Variants in GLYATL3 observed in about 807,000 individuals in gnomAD.
GLYATL3 encodes the protein glycine N-acyltransferase-like protein 3.
Under a neutral mutation model 28.5 loss-of-function variants are expected in GLYATL3, and 31 were observed. The observed-to-expected ratio is 1.09, with a 90% confidence interval of 0.82 to 1.47. GLYATL3 has a LOEUF of 1.47. GLYATL3 is among the 40% of genes most tolerant of loss of function. The pLI, the probability that GLYATL3 is intolerant of heterozygous loss-of-function variation, is 0.00. For missense variants in GLYATL3, 369 were observed against 351.5 expected (o/e 1.05, Z -0.40); for synonymous variants, 141 against 140.2 (o/e 1.01, Z -0.04).
chr6:49,525,093 A>AT (rs10630585), intron 5 of GLYATL3, among the ~76,000 whole-genome samples: 38,590 of 141,156 alleles, frequency 0.27, 5,481 homozygotes, highest in South Asian at 0.3. Context: ...ATTCTAAAAC[A>AT]TTTTTTTTTT....
intron 1 of GLYATL3, among the ~76,000 whole-genome samples, chr6:49,504,439 C>A (rs752189854): frequency 2.6e-5 from 4 of 152,004 alleles, no homozygotes; most frequent in South Asian, 2.1e-4. Context: ...GCCTTTTGAC[C>A]GTATATTAGA....
intron 5 of GLYATL3, among the ~76,000 whole-genome samples, chr6:49,522,277 C>T (rs187911692): frequency 9.9e-5 from 15 of 152,198 alleles, no homozygotes; most frequent in Non-Finnish European, 1.8e-4. Flanking sequence ...CCCCCACACA[C>T]CTTTTTAAAC....
chr6:49,521,873 C>T (rs1423432006), intron 5 of GLYATL3, 102 bp downstream of exon 5: 1 of 1,019,602 alleles, frequency 9.8e-7, no homozygotes, highest in Non-Finnish European at 1.4e-6. Context: ...TATCCAGGCA[C>T]TCTGGATTTC....
intron 1 of GLYATL3, among the ~76,000 whole-genome samples, chr6:49,511,418 G>A (rs1348967883): frequency 1.3e-5 from 2 of 151,902 alleles, no homozygotes; most frequent in African/African-American, 4.8e-5. Context: ...ATAACGACCC[G>A]ACCCACTCAA....
intron 5 of GLYATL3, among the ~76,000 whole-genome samples, chr6:49,523,719 G>C (rs955700195): frequency 2.0e-5 from 3 of 152,100 alleles, no homozygotes; most frequent in Non-Finnish European, 2.9e-5. Context: ...CGATATTGTC[G>C]TAATATTTTT....
intron 1 of GLYATL3, among the ~76,000 whole-genome samples, chr6:49,509,169 C>T (rs1232856389): frequency 2.0e-5 from 3 of 152,064 alleles, no homozygotes; most frequent in Admixed American, 1.3e-4. Context: ...CAAAAGTGGA[C>T]TCTCACCTGC....
At chr6:49,507,011 C>T (rs1273945409) in intron 1 of GLYATL3, among the ~76,000 whole-genome samples, 1 of 152,116 alleles carries the variant, frequency 6.6e-6, no homozygotes, top group Non-Finnish European at 1.5e-5. Context: ...CACACATCCT[C>T]CTCTGGCAGA....
rs1018941972 is a variant in GLYATL3, at chr6:49,527,603, C to G, written c.*689C>G. ...GGCCCAAAATTTGCATTTCTAACAG[C>G]TTCCCACTGCTTATTTGCCTTGGAT... On this transcript the variant is annotated 3_prime_UTR_variant, in exon 6 of 6. Coordinates refer to ENST00000371197, the MANE Select transcript of GLYATL3 (RefSeq NM_001010904.2). Among the ~76,000 whole-genome samples, 3 of 152,214 alleles carry G rather than the reference C, an allele frequency of 2.0e-5. No homozygotes were observed. Among genetic ancestry groups the G allele is most frequent in the Admixed American group, 1.3e-4 (2 of 15,286 alleles).
intron 1 of GLYATL3, among the ~76,000 whole-genome samples, chr6:49,509,203 G>T (rs1163836970): frequency 2.6e-5 from 4 of 152,104 alleles, no homozygotes; most frequent in Non-Finnish European, 5.9e-5. Flanking sequence ...GATTCTCATT[G>T]TGGTAGTTAT....
At chr6:49,500,839 T>C (rs910601454) in intron 1 of GLYATL3, among the ~76,000 whole-genome samples, 2 of 152,160 alleles carry the variant, frequency 1.3e-5, no homozygotes, top group African/African-American at 2.4e-5. Context: ...GTTACAAAAA[T>C]GTGTAGAAAA....
At chr6:49,517,316 T>C (rs1235002127) in intron 3 of GLYATL3, 114 bp from the exon 4 acceptor site, 1 of 820,768 alleles carries the variant, frequency 1.2e-6, no homozygotes, top group Non-Finnish European at 1.8e-6. Flanking sequence ...CTAATTTTGT[T>C]AGCCACCTAT....
chr6:49,508,305 TAAC>T (rs770533337), intron 1 of GLYATL3, among the ~76,000 whole-genome samples: 48 of 151,858 alleles, frequency 3.2e-4, no homozygotes, highest in East Asian at 1.6e-3. Flanking sequence ...CAAACAACAA[TAAC>T]AACAACAACA....
At chr6:49,511,447 C>A (rs1196335140) in intron 1 of GLYATL3, among the ~76,000 whole-genome samples, 1 of 152,170 alleles carries the variant, frequency 6.6e-6, no homozygotes, top group Non-Finnish European at 1.5e-5. Flanking sequence ...CTAGTCTTTG[C>A]CCCACATTGT....
chr6:49,505,875 A>T (rs918815655), intron 1 of GLYATL3, among the ~76,000 whole-genome samples: 1 of 152,228 alleles, frequency 6.6e-6, no homozygotes, highest in African/African-American at 2.4e-5. Flanking sequence ...GGATGGAAGG[A>T]AAAACTAAAA....
chr6:49,523,500 A>G (rs1458001947), intron 5 of GLYATL3, among the ~76,000 whole-genome samples: 1 of 152,196 alleles, frequency 6.6e-6, no homozygotes, highest in Non-Finnish European at 1.5e-5. Context: ...TGTTTGCACA[A>G]CTTAATCACA....
intron 1 of GLYATL3, among the ~76,000 whole-genome samples, chr6:49,510,766 C>T (rs1405177542): frequency 6.6e-6 from 1 of 152,130 alleles, no homozygotes; most frequent in South Asian, 2.1e-4. Flanking sequence ...TCTTAATGTT[C>T]GGGTGCTGCC....
At chr6:49,516,878 C>A (rs1263606185) in intron 3 of GLYATL3, among the ~76,000 whole-genome samples, 1 of 151,556 alleles carries the variant, frequency 6.6e-6, no homozygotes, top group African/African-American at 2.4e-5. Context: ...AAAAAATCAG[C>A]TGAGCGCGGT....
At position 49,517,538 on chromosome 6, in the gene GLYATL3, C is replaced by A. The variant is rs866848413; in HGVS notation, c.295C>A (p.Gln99Lys). 5.8e-6 allele frequency: 9 copies of A among 1,550,298 alleles called. No individual in the cohort carries two copies. In the East Asian group the frequency reaches 2.2e-4, roughly 38 times the overall value. ...AGAATGTGATGTTTTTAACTGGGACCAAGTTTTTCAAATACAAGGTGAGGT... is the reference window on the plus strand; with the variant it reads ...AGAATGTGATGTTTTTAACTGGGACAAAGTTTTTCAAATACAAGGTGAGGT... ...LEECDVFNWD[Q>K]VFQIQGLQSE... Residue 99 changes from glutamine (Q) to lysine (K), a missense_variant, in exon 4 of 6, where the codon CAA becomes AAA. Transcript: ENST00000371197.
intron 5 of GLYATL3, among the ~76,000 whole-genome samples, chr6:49,524,476 T>C (rs1457008142): frequency 6.6e-6 from 1 of 152,210 alleles, no homozygotes; most frequent in Non-Finnish European, 1.5e-5. Context: ...CCTCATAGGC[T>C]TTCAACTAAG....
Sources: allele counts gnomAD v4.1 joint callset (sites outside exome capture counted in the v4.1 genomes callset), GRCh38; gene constraint gnomAD v4.1.1; transcripts MANE v1.5; gene names NCBI Gene and HGNC (gene_info 2026-07-23, HGNC 2026-07-21).